ENPP6: variants seen among roughly 807,000 people sequenced by gnomAD.
ENPP6 encodes the protein ectonucleotide pyrophosphatase/phosphodiesterase 6.
ENPP6 carries 32 observed loss-of-function variants against 42.0 expected under a neutral mutation model. That is an observed-to-expected ratio of 0.76 (90% CI 0.58 to 1.02). ENPP6 has a LOEUF of 1.02. Ranked by LOEUF, ENPP6 falls within the 50% of genes least tolerant of loss-of-function variation. The probability of loss-of-function intolerance (pLI) is 0.00; values close to 1 mark genes in which losing one functional copy is unlikely to be tolerated. For missense variants in ENPP6, 552 were observed against 566.8 expected, an observed-to-expected ratio of 0.97 and a Z score of 0.27; for synonymous variants, 213 against 216.0, an observed-to-expected ratio of 0.99 and a Z score of 0.12.
In ENPP6 at chr4:184,196,681, G is replaced by A. The variant is rs561121869; in HGVS notation, c.241+20898C>T. On this transcript the variant is annotated intron_variant, in intron 1 of 7. Coordinates refer to ENST00000296741, the MANE Select transcript of ENPP6 (RefSeq NM_153343.4). ...AGCCAGGGCTTGGGCTGTGGGTGTG[G>A]TAGAGGATGGGAGTAAAGCTCTTAC... is the stretch of plus-strand genomic sequence containing the variant. Among the ~76,000 whole-genome samples the A allele has an allele frequency of 1.7e-3, 254 of 152,356 alleles. 1 individual carries two copies. The highest frequency in any genetic ancestry group is 5.9e-3 in the African/African-American group (245 of 41,574).
chr4:184,158,938 T>C (rs544449765), intron 1 of ENPP6, among the ~76,000 whole-genome samples: 2 of 152,360 alleles, frequency 1.3e-5, no homozygotes, highest in African/African-American at 4.8e-5. Flanking sequence ...CAATGATCTC[T>C]TCCATAATTC....
chr4:184,208,604 C>T (rs1000198376), intron 1 of ENPP6, among the ~76,000 whole-genome samples: 7 of 151,280 alleles, frequency 4.6e-5, no homozygotes, highest in Non-Finnish European at 7.4e-5. Flanking sequence ...CACGGAGTCT[C>T]GCTGATTGCT....
chr4:184,143,345 G>C (rs750048873), intron 2 of ENPP6, among the ~76,000 whole-genome samples: 2 of 152,230 alleles, frequency 1.3e-5, no homozygotes, highest in Non-Finnish European at 2.9e-5. Context: ...CTTCTCAGGT[G>C]GTTCTGAGCC....
intron 6 of ENPP6, among the ~76,000 whole-genome samples, chr4:184,106,277 C>T (rs541766423): frequency 3.9e-5 from 6 of 152,224 alleles, no homozygotes; most frequent in African/African-American, 1.2e-4. Context: ...TCAGGTGATC[C>T]GCCTGCCTCA....
At chr4:184,214,482 T>A (rs1383707386) in intron 1 of ENPP6, among the ~76,000 whole-genome samples, 1 of 152,110 alleles carries the variant, frequency 6.6e-6, no homozygotes, top group East Asian at 1.9e-4. Context: ...CTCAAGGGAG[T>A]TTCCGCTATT....
intron 1 of ENPP6, among the ~76,000 whole-genome samples, chr4:184,154,271 G>A (rs942951906): frequency 2.9e-4 from 44 of 152,182 alleles, no homozygotes; most frequent in Non-Finnish European, 2.9e-5. Context: ...AAACAAAGCA[G>A]GAAAACAACC....
chr4:184,144,452 C>T (rs2111371120), intron 2 of ENPP6, among the ~76,000 whole-genome samples: 1 of 152,342 alleles, frequency 6.6e-6, no homozygotes, highest in East Asian at 1.9e-4. Context: ...CCGCCACTCA[C>T]TTTCCTCTGC....
intron 1 of ENPP6, among the ~76,000 whole-genome samples, chr4:184,170,241 G>T (rs1737439428): frequency 6.6e-6 from 1 of 152,130 alleles, no homozygotes; most frequent in Non-Finnish European, 1.5e-5. Flanking sequence ...ACCATACTGG[G>T]CAACATGGTG....
At chr4:184,116,059 A>T (rs550092597) in intron 5 of ENPP6, among the ~76,000 whole-genome samples, 14 of 151,996 alleles carry the variant, frequency 9.2e-5, no homozygotes, top group Non-Finnish European at 1.9e-4. Flanking sequence ...ACTAAAAAAA[A>T]AAAATACAAA....
At chr4:184,200,386 G>A (rs1181943960) in intron 1 of ENPP6, among the ~76,000 whole-genome samples, 5 of 152,136 alleles carry the variant, frequency 3.3e-5, no homozygotes, top group Admixed American at 6.5e-5. Context: ...TTAATTACAT[G>A]ATCTGTGGTG....
At chr4:184,117,630 G>A (rs569739049) in intron 4 of ENPP6, 129 bp downstream of exon 4, 34 of 1,387,854 alleles carry the variant, frequency 2.4e-5, no homozygotes, top group African/African-American at 2.3e-4. Context: ...CAAGGGACTC[G>A]TCAAAGCCTG....
At chr4:184,157,868 C>A (rs1737199857) in intron 1 of ENPP6, among the ~76,000 whole-genome samples, 1 of 151,484 alleles carries the variant, frequency 6.6e-6, no homozygotes, top group Non-Finnish European at 1.5e-5. Context: ...GATCCACCCG[C>A]CTCAGTATCC....
At chr4:184,202,577 C>A (rs1470872258) in intron 1 of ENPP6, among the ~76,000 whole-genome samples, 4 of 152,196 alleles carry the variant, frequency 2.6e-5, no homozygotes, top group African/African-American at 9.6e-5. Flanking sequence ...TCTGACCTGA[C>A]CACGCTCACT....
intron 7 of ENPP6, 65 bp downstream of exon 7, chr4:184,097,180 A>G: frequency 6.2e-7 from 1 of 1,601,104 alleles, no homozygotes. Flanking sequence ...TGGCACCCGT[A>G]GCCCCCCTTA....
chr4:184,159,997 G>A (rs1242384504), intron 1 of ENPP6, among the ~76,000 whole-genome samples: 3 of 152,078 alleles, frequency 2.0e-5, no homozygotes, highest in African/African-American at 7.2e-5. Context: ...CCTTTTTATG[G>A]TTGAATAGTA....
chr4:184,208,783 G>T (rs372321006), intron 1 of ENPP6, among the ~76,000 whole-genome samples: 9,809 of 135,604 alleles, frequency 0.072, 491 homozygotes, highest in Admixed American at 0.11. Context: ...CACCTCTGGG[G>T]GCAGGGCACA....
At chr4:184,112,529 T>G in intron 6 of ENPP6, 143 bp downstream of exon 6, 3 of 1,052,580 alleles carry the variant, frequency 2.9e-6, no homozygotes, top group Non-Finnish European at 4.0e-6. Context: ...GACTTTTGAT[T>G]CTCTAAAGAA....
At chr4:184,092,399 G>A (rs1002842194) in intron 7 of ENPP6, among the ~76,000 whole-genome samples, 6 of 152,298 alleles carry the variant, frequency 3.9e-5, no homozygotes, top group African/African-American at 7.2e-5. Context: ...GGCTCTGAGC[G>A]ATCTAATGGA....
intron 6 of ENPP6, among the ~76,000 whole-genome samples, chr4:184,100,427 C>T (rs12499260): frequency 0.37 from 56,060 of 152,134 alleles, 11,489 homozygotes; most frequent in East Asian, 0.61. Context: ...CCTGGTTGGC[C>T]TGCTGACCCC....
Sources: allele counts gnomAD v4.1 joint callset (sites outside exome capture counted in the v4.1 genomes callset), GRCh38; gene constraint gnomAD v4.1.1; transcripts MANE v1.5; gene names NCBI Gene and HGNC (gene_info 2026-07-23, HGNC 2026-07-21).